PHACTR1: variants seen among roughly 807,000 people sequenced by gnomAD.
The protein encoded by PHACTR1 is RPEL repeat containing 1.
PHACTR1 carries 16 observed loss-of-function variants against 69.2 expected under a neutral mutation model. The ratio of observed to expected loss-of-function variants is 0.23; its 90% CI spans 0.16 to 0.35. The LOEUF is 0.35. Ranked by LOEUF, PHACTR1 falls within the 10% of genes least tolerant of loss-of-function variation. PHACTR1 has a pLI of 1.00. For missense variants in PHACTR1, 510 were observed against 734.7 expected, an observed-to-expected ratio of 0.69 and a Z score of 3.54; for synonymous variants, 312 against 284.5, an observed-to-expected ratio of 1.10 and a Z score of -0.97.
Position 12,789,869 on chromosome 6 carries a change from G to T in PHACTR1, c.250+40079G>T, listed in dbSNP as rs1367690400. On this transcript the variant is annotated intron_variant, in intron 4 of 14. Transcript: ENST00000332995. ...TATACATGTGCCATGCTGGTGTGCT[G>T]CACCCATCAACTCGTCATTTAGCAT... Among the ~76,000 whole-genome samples the T allele has an allele frequency of 2.6e-5, 4 of 151,534 alleles. No homozygotes were observed. The East Asian group carries it at 7.7e-4, about 29-fold the overall frequency.
At chr6:12,800,221 T>C (rs1219704724) in intron 4 of PHACTR1, among the ~76,000 whole-genome samples, 1 of 152,174 alleles carries the variant, frequency 6.6e-6, no homozygotes, top group Non-Finnish European at 1.5e-5. Context: ...ATTTCTTTGG[T>C]TAGAATGAGT....
chr6:12,759,122 C>CAAAAAAA (rs1229879368), intron 4 of PHACTR1, among the ~76,000 whole-genome samples: 1 of 51,468 alleles, frequency 1.9e-5, no homozygotes, highest in African/African-American at 7.2e-5. Flanking sequence ...GACTCCACCT[C>CAAAAAAA]AAAAAAAAAA....
chr6:13,127,189 C>A (rs1195334997), intron 5 of PHACTR1, among the ~76,000 whole-genome samples: 1 of 152,178 alleles, frequency 6.6e-6, no homozygotes, highest in Non-Finnish European at 1.5e-5. Flanking sequence ...GGGCCTCGAT[C>A]TCCTTTGCTT....
chr6:12,857,578 G>A (rs1364008844), intron 4 of PHACTR1, among the ~76,000 whole-genome samples: 1 of 149,364 alleles, frequency 6.7e-6, no homozygotes, highest in East Asian at 2.0e-4. Flanking sequence ...ACTCCAGCCT[G>A]GGGACAGAAT....
At chr6:13,182,800 G>A (rs1762362233) in intron 7 of PHACTR1, 114 bp downstream of exon 7, 1 of 1,062,458 alleles carries the variant, frequency 9.4e-7, no homozygotes, top group East Asian at 2.7e-5. Context: ...CTGAGCGTAA[G>A]GATCTGGAAA....
At chr6:13,171,956 G>A (rs1173369465) in intron 6 of PHACTR1, among the ~76,000 whole-genome samples, 2 of 152,088 alleles carry the variant, frequency 1.3e-5, no homozygotes, top group South Asian at 2.1e-4. Flanking sequence ...TTGTAGAGAC[G>A]GGTTTTCACC....
At chr6:13,124,693 G>A (rs1257521919) in intron 5 of PHACTR1, among the ~76,000 whole-genome samples, 2 of 152,202 alleles carry the variant, frequency 1.3e-5, no homozygotes, top group African/African-American at 4.8e-5. Flanking sequence ...CACAGCTTTA[G>A]AGGCTGGAAG....
chr6:12,759,117 C>A, intron 4 of PHACTR1, among the ~76,000 whole-genome samples: 1 of 127,386 alleles, frequency 7.9e-6, no homozygotes. Flanking sequence ...AGCAAGACTC[C>A]ACCTCAAAAA....
intron 5 of PHACTR1, among the ~76,000 whole-genome samples, chr6:13,111,423 CAAGTT>C (rs1561844998): frequency 6.6e-6 from 1 of 152,054 alleles, no homozygotes; most frequent in African/African-American, 2.4e-5. Context: ...TAAATTCTGT[CAAGTT>C]AAAATATGTA....
chr6:12,734,362 T>C (rs568154632), intron 3 of PHACTR1, among the ~76,000 whole-genome samples: 2 of 152,216 alleles, frequency 1.3e-5, no homozygotes, highest in African/African-American at 4.8e-5. Context: ...AGTCTTAACA[T>C]AATAAATGTT....
intron 4 of PHACTR1, among the ~76,000 whole-genome samples, chr6:12,869,800 A>G (rs1439770137): frequency 6.6e-6 from 1 of 152,078 alleles, no homozygotes; most frequent in African/African-American, 2.4e-5. Context: ...AGCACATTCT[A>G]TTTTGTAGTT....
At chr6:12,794,052 C>T (rs2127666355) in intron 4 of PHACTR1, among the ~76,000 whole-genome samples, 1 of 152,338 alleles carries the variant, frequency 6.6e-6, no homozygotes, top group Middle Eastern at 3.4e-3. Flanking sequence ...CTGGTTCAAT[C>T]ACTTAGCAGC....
chr6:13,005,194 C>CTT (rs201204059), intron 4 of PHACTR1, among the ~76,000 whole-genome samples: 1 of 147,828 alleles, frequency 6.8e-6, no homozygotes, highest in Non-Finnish European at 1.5e-5. Flanking sequence ...TCTCTTTTTT[C>CTT]TTTCTTTTTT....
At chr6:12,995,691 A>G (rs941712980) in intron 4 of PHACTR1, among the ~76,000 whole-genome samples, 1 of 152,062 alleles carries the variant, frequency 6.6e-6, no homozygotes, top group Non-Finnish European at 1.5e-5. Flanking sequence ...GATAAAGGGA[A>G]TATTTCATAG....
At chr6:12,847,947 T>C (rs953738664) in intron 4 of PHACTR1, among the ~76,000 whole-genome samples, 5 of 152,210 alleles carry the variant, frequency 3.3e-5, no homozygotes, top group Non-Finnish European at 5.9e-5. Flanking sequence ...CTATTTCCGG[T>C]ATATTATCTT....
chr6:12,912,337 G>T (rs1786506134), intron 4 of PHACTR1, among the ~76,000 whole-genome samples: 3 of 152,148 alleles, frequency 2.0e-5, no homozygotes. Flanking sequence ...ACAAGGGTAG[G>T]CCCCCAGGGG....
rs1369666325 is a variant in PHACTR1, at chr6:13,107,234, C to T, written c.416-52970C>T. 6.6e-5 allele frequency among the ~76,000 whole-genome samples: 10 copies of T among 152,148 alleles called. No individual in the cohort carries two copies. The East Asian group carries it at 1.7e-3, about 26-fold the overall frequency. ...CGAGGTTCAAGCAATCCTCAGTCTC[C>T]TGAGTAGCTGGGATTATAGGCACAT... On this transcript the variant is annotated intron_variant, in intron 5 of 14. Coordinates refer to ENST00000332995, the MANE Select transcript of PHACTR1 (RefSeq NM_030948.6).
intron 4 of PHACTR1, among the ~76,000 whole-genome samples, chr6:12,827,469 C>G (rs1776928705): frequency 6.6e-6 from 1 of 152,174 alleles, no homozygotes; most frequent in Non-Finnish European, 1.5e-5. Context: ...TAATACAGCT[C>G]TGCTTATTTT....
chr6:13,165,839 G>A (rs1410851649), intron 6 of PHACTR1, among the ~76,000 whole-genome samples: 4 of 151,924 alleles, frequency 2.6e-5, no homozygotes, highest in African/African-American at 4.8e-5. Flanking sequence ...AGATTGCCCC[G>A]GGATGTTTCT....
Sources: gnomAD v4.1 joint callset for allele counts (sites outside exome capture counted in the v4.1 genomes callset) on GRCh38, gnomAD v4.1.1 for gene constraint, MANE v1.5 for transcripts, NCBI Gene and HGNC (gene_info 2026-07-23, HGNC 2026-07-21) for gene names.